The following MSANTD2 variants were observed in gnomAD, a reference collection of about 807,000 sequenced individuals.
MSANTD2 encodes myb/SANT-like DNA-binding domain-containing protein 2.
Under a neutral mutation model 52.6 loss-of-function variants are expected in MSANTD2, and 19 were observed. The ratio of observed to expected loss-of-function variants is 0.36; its 90% CI spans 0.25 to 0.53. MSANTD2 has a LOEUF of 0.53. Ranked by LOEUF, MSANTD2 falls within the 20% of genes least tolerant of loss-of-function variation. MSANTD2 has a pLI of 0.91. For synonymous variants in MSANTD2, 291 were observed against 289.7 expected, an observed-to-expected ratio of 1.00 and a Z score of -0.04; for missense variants, 558 against 716.3, an observed-to-expected ratio of 0.78 and a Z score of 2.52.
At position 124,770,906 on chromosome 11, in the gene MSANTD2, G is replaced by A. The variant is rs1169970685; in HGVS notation, c.827+2088C>T. The stretch of plus-strand genomic sequence containing the variant: ...CGCTACCATCCCTGGCTAATTTTTT[G>A]TATTTTTAGTAGAGACAGGGTTTCA... On this transcript the variant is annotated intron_variant, in intron 3 of 3. Transcript: ENST00000374979. 6.7e-5 allele frequency among the ~76,000 whole-genome samples: 10 copies of A among 150,366 alleles called. No individual in the cohort carries two copies. The Admixed American group carries it at 6.7e-4, about 10-fold the overall frequency.
Position 124,774,741 on chromosome 11 carries a change from G to T in MSANTD2, c.744C>A (p.Gly248=). Residue 248 remains glycine (G), a synonymous_variant, in exon 2 of 4, where the codon GGC becomes GGA. Coordinates refer to ENST00000374979, the MANE Select transcript of MSANTD2 (RefSeq NM_001308027.2). The surrounding 1 kb of genome is among the most constrained non-coding windows in gnomAD (Gnocchi z 5.1). ...DWGNHSQDLH[G]YPTDQELDEI... ...TACCCAATTCCTGATCTGTTGGATA[G>T]CCATGGAGATCCTGACTGTGGTTTC... The T allele has an allele frequency of 6.2e-7, 1 of 1,614,118 alleles. No homozygotes were observed. The highest frequency in any genetic ancestry group is 8.5e-7 in the Non-Finnish European group (1 of 1,180,006).
intron 1 of MSANTD2, among the ~76,000 whole-genome samples, chr11:124,797,858 G>A (rs1017613133): frequency 3.3e-5 from 5 of 152,028 alleles, no homozygotes; most frequent in African/African-American, 4.8e-5. Context: ...TCCTTTTCTT[G>A]CTTTAAGTTA....
chr11:124,784,219 C>A lies in MSANTD2; in HGVS notation c.511-9245G>T. 4.1e-6 allele frequency: 4 copies of A among 985,266 alleles called. No homozygotes were observed. The South Asian group carries it at 1.4e-4, about 35-fold the overall frequency. The allele number at this position is 985,266 out of a possible 1,614,324, so 61.0% of individuals were successfully genotyped here. On this transcript the variant is annotated intron_variant, in intron 1 of 3. Coordinates refer to ENST00000374979, the MANE Select transcript of MSANTD2 (RefSeq NM_001308027.2). ...GGGATTAGAGGCTATTTTCATTTGA[C>A]CTCCTACATCACCTCTGAAGTTGCT...
chr11:124,773,140 A>G, intron 2 of MSANTD2, 86 bp from the exon 3 acceptor site: 2 of 747,460 alleles, frequency 2.7e-6, no homozygotes, highest in Non-Finnish European at 4.6e-6. Flanking sequence ...TTTACTGATC[A>G]TTCCATACTT....
rs571897598 is a variant in MSANTD2 at position 124,779,519 on chromosome 11, A to G, written c.511-4545T>C. Among the ~76,000 whole-genome samples, 1 of 152,372 alleles carries G rather than the reference A, an allele frequency of 6.6e-6. No homozygotes were observed. The highest frequency in any genetic ancestry group is 1.5e-5 in the Non-Finnish European group (1 of 68,044). On this transcript the variant is annotated intron_variant, in intron 1 of 3. Transcript: ENST00000374979. The surrounding 1 kb of genome is among the most constrained non-coding windows in gnomAD (Gnocchi z 4.6). The stretch of plus-strand genomic sequence containing the variant: ...TAACTGACCATACATGGAATGGAGC[A>G]CTATAACGTGGAGGAACAGAAATAA...
chr11:124,767,043 C>T lies in MSANTD2; in HGVS notation c.*133G>A, dbSNP rs1281297282. 5.7e-6 allele frequency: 5 copies of T among 876,340 alleles called. No individual in the cohort carries two copies. In the Admixed American group the frequency reaches 7.6e-5, roughly 13 times the overall value. The allele number at this position is 876,340 out of a possible 1,614,324, so 54.3% of individuals were successfully genotyped here. ...AAGTCTACTATGATTCCTTAGAAGT[C>T]GTACTGGCCCAATTGAAGAAAGGGT... On this transcript the variant is annotated 3_prime_UTR_variant, in exon 4 of 4. Coordinates refer to ENST00000374979, the MANE Select transcript of MSANTD2 (RefSeq NM_001308027.2). The surrounding 1 kb of genome is among the most constrained non-coding windows in gnomAD (Gnocchi z 6.5).
At chr11:124,791,556 C>G in intron 1 of MSANTD2, 1 of 1,235,516 alleles carries the variant, frequency 8.1e-7, no homozygotes, top group South Asian at 1.2e-5. Flanking sequence ...AGAAGGGTCA[C>G]CAATGTGACC....
intron 1 of MSANTD2, chr11:124,778,944 A>T (rs1246234501): frequency 6.6e-6 from 1 of 152,234 alleles, no homozygotes; most frequent in Non-Finnish European, 1.5e-5. Flanking sequence ...CAATGTAGAG[A>T]AAGACCCAGG....
chr11:124,787,206 A>G (rs1945188027), intron 1 of MSANTD2, among the ~76,000 whole-genome samples: 1 of 152,218 alleles, frequency 6.6e-6, no homozygotes, highest in South Asian at 2.1e-4. Flanking sequence ...AGTTCAAATA[A>G]AGTAGTGCAG....
rs1436549867 is a variant in MSANTD2 at position 124,793,692 on chromosome 11, T to C, written c.510+6179A>G. Among the ~76,000 whole-genome samples the C allele has an allele frequency of 2.6e-5, 4 of 152,242 alleles. No homozygotes were observed. The South Asian group carries it at 6.2e-4, about 24-fold the overall frequency. On this transcript the variant is annotated intron_variant, in intron 1 of 3. Transcript: ENST00000374979. ...ACTTCCATCATCACAATAAATTCTA[T>C]TGGACAGGGCTGTCCTAGGGAACCT...
intron 1 of MSANTD2, chr11:124,789,936 T>G (rs1236335977): frequency 6.6e-6 from 1 of 152,246 alleles, no homozygotes; most frequent in East Asian, 1.9e-4. Flanking sequence ...TTAAATAATA[T>G]CCAATCATAA....
At chr11:124,777,295 C>G (rs1944781605) in intron 1 of MSANTD2, among the ~76,000 whole-genome samples, 1 of 152,226 alleles carries the variant, frequency 6.6e-6, no homozygotes, top group Non-Finnish European at 1.5e-5. Flanking sequence ...CTTACTGACT[C>G]CCTGGAGAAA....
At chr11:124,791,150 AC>A in intron 1 of MSANTD2, 1 of 824,286 alleles carries the variant, frequency 1.2e-6, no homozygotes. Flanking sequence ...GGGGCTAGGG[AC>A]AAAAGGTGAA....
intron 1 of MSANTD2, chr11:124,791,468 G>T: frequency 8.8e-7 from 1 of 1,134,034 alleles, no homozygotes; most frequent in East Asian, 2.4e-5. Flanking sequence ...GCACTGGGAG[G>T]TCAGGCGAGT....
rs1335634658 is a variant in MSANTD2 at position 124,767,277 on chromosome 11, A to G, written c.1579T>C (p.Tyr527His). The change falls in exon 4 of 4, where the codon TAC (tyrosine) becomes CAC (histidine). Residue 527 changes from tyrosine to histidine, a missense_variant. Physicochemically the swap from Tyr to His is moderately conservative, Grantham distance 83 (BLOSUM62 2). Transcript: ENST00000374979. The surrounding 1 kb of genome is among the most constrained non-coding windows in gnomAD (Gnocchi z 6.5). Reference sequence around the variant, plus strand: ...CTCTCTACTTCTACAAATTTGATGTAGATGGATTTGGGGGAAACTCCGGGA... The same window carrying G: ...CTCTCTACTTCTACAAATTTGATGTGGATGGATTTGGGGGAAACTCCGGGA... ...VDPGVSPKSI[Y>H]IKFVEVERDF... is the part of the protein sequence containing the mutation. 1.2e-6 allele frequency: 2 copies of G among 1,614,104 alleles called. No individual in the cohort carries two copies. Among genetic ancestry groups the G allele is most frequent in the East Asian group, 2.2e-5 (1 of 44,902 alleles).
At position 124,767,156 on chromosome 11, in the gene MSANTD2, A is replaced by T; in HGVS notation, c.*20T>A. The T allele has an allele frequency of 6.4e-7, 1 of 1,568,962 alleles. No homozygotes were observed. Among genetic ancestry groups the T allele is most frequent in the Non-Finnish European group, 8.6e-7 (1 of 1,160,886 alleles). On this transcript the variant is annotated 3_prime_UTR_variant, in exon 4 of 4. Transcript: ENST00000374979. This position sits in a 1 kb window ranked among gnomAD's most constrained non-coding sequence, Gnocchi z 6.5. ...AGAGAAGAAGGAGCTAAGAGCCCAA[A>T]TCCTTATGAAGGATGACATTCAGTT...
In MSANTD2 at chr11:124,776,596, C is replaced by G. The variant is rs1944755598; in HGVS notation, c.511-1622G>C. The stretch of plus-strand genomic sequence containing the variant: ...ACAGGCGTGAGCCACCACACCCAGC[C>G]AGGAAGTTCAGTATCTTTAAATCAC... On this transcript the variant is annotated intron_variant, in intron 1 of 3. Coordinates refer to ENST00000374979, the MANE Select transcript of MSANTD2 (RefSeq NM_001308027.2). Among the ~76,000 whole-genome samples the G allele has an allele frequency of 2.6e-5, 4 of 152,354 alleles. No homozygotes were observed. The South Asian group carries it at 8.3e-4, about 32-fold the overall frequency.
At chr11:124,797,566 A>T (rs567230503) in intron 1 of MSANTD2, among the ~76,000 whole-genome samples, 1 of 152,356 alleles carries the variant, frequency 6.6e-6, no homozygotes, top group African/African-American at 2.4e-5. Context: ...AGCAGTGAGT[A>T]AGAGAGACCA....
intron 1 of MSANTD2, among the ~76,000 whole-genome samples, chr11:124,797,096 A>C (rs953501538): frequency 2.0e-5 from 3 of 152,192 alleles, no homozygotes; most frequent in Non-Finnish European, 2.9e-5. Flanking sequence ...TGGGTTCCAA[A>C]GTCTGTTTTT....
Sources: gnomAD v4.1 joint callset for allele counts (sites outside exome capture counted in the v4.1 genomes callset) on GRCh38, gnomAD v4.1.1 for gene constraint, Gnocchi (gnomAD v3.1) non-coding constraint, MANE v1.5 for transcripts, NCBI Gene and HGNC (gene_info 2026-07-23, HGNC 2026-07-21) for gene names.